Variants in BRINP1 observed in about 807,000 individuals in gnomAD.
BRINP1 encodes BMP/retinoic acid-inducible neural-specific protein 1.
Under a neutral mutation model 72.9 loss-of-function variants are expected in BRINP1, and 17 were observed. That is an observed-to-expected ratio of 0.23 (90% confidence interval 0.16 to 0.35). The LOEUF (loss-of-function observed/expected upper bound fraction) is 0.35. BRINP1 is among the 10% of genes least tolerant of loss of function. The probability of loss-of-function intolerance (pLI) is 1.00; values close to 1 mark genes in which losing one functional copy is unlikely to be tolerated. For synonymous variants in BRINP1, 418 were observed against 378.5 expected (o/e 1.10, Z -1.21); for missense variants, 850 against 1,001.6 (o/e 0.85, Z 2.04).
At chr9:119,287,014 C>A in intron 2 of BRINP1, among the ~76,000 whole-genome samples, 1 of 150,842 alleles carries the variant, frequency 6.6e-6, no homozygotes, top group African/African-American at 2.4e-5. Context: ...TAGTTAATTT[C>A]ACCTTGAGGA....
intron 5 of BRINP1, among the ~76,000 whole-genome samples, chr9:119,237,817 G>A (rs997738147): frequency 2.2e-4 from 34 of 151,462 alleles, no homozygotes; most frequent in African/African-American, 8.0e-4. Flanking sequence ...GCACACCACC[G>A]CGCCCAGCTA....
chr9:119,333,527 T>A (rs1004843950), intron 1 of BRINP1, among the ~76,000 whole-genome samples: 2 of 151,818 alleles, frequency 1.3e-5, no homozygotes, highest in Non-Finnish European at 2.9e-5. Flanking sequence ...AAAAATAAAT[T>A]TTCCCCTCCA....
At chr9:119,173,457 A>T (rs901097790) in intron 7 of BRINP1, among the ~76,000 whole-genome samples, 2 of 151,982 alleles carry the variant, frequency 1.3e-5, no homozygotes, top group South Asian at 2.1e-4. Flanking sequence ...GGAGAACCAC[A>T]AACCACTGCT....
intron 1 of BRINP1, among the ~76,000 whole-genome samples, chr9:119,357,277 G>A (rs1367987386): frequency 3.9e-5 from 6 of 152,208 alleles, no homozygotes; most frequent in Admixed American, 3.9e-4. Context: ...GTGTATAAGT[G>A]AAGCAGAGAG....
chr9:119,226,117 A>G (rs929251567), intron 5 of BRINP1, among the ~76,000 whole-genome samples: 2 of 152,056 alleles, frequency 1.3e-5, no homozygotes, highest in African/African-American at 4.8e-5. Context: ...TATCTGGAAT[A>G]TAATAGAGGC....
chr9:119,202,007 T>C (rs1391231015), intron 7 of BRINP1, among the ~76,000 whole-genome samples: 4 of 152,110 alleles, frequency 2.6e-5, no homozygotes, highest in Non-Finnish European at 4.4e-5. Context: ...TCCACCACTA[T>C]GCAATGCAGT....
intron 1 of BRINP1, among the ~76,000 whole-genome samples, chr9:119,365,316 A>C (rs1831680234): frequency 6.6e-6 from 1 of 152,202 alleles, no homozygotes. Context: ...TCTTTGCAGA[A>C]GGGAGCACAA....
At chr9:119,342,790 A>G (rs904771858) in intron 1 of BRINP1, among the ~76,000 whole-genome samples, 1 of 152,212 alleles carries the variant, frequency 6.6e-6, no homozygotes, top group Non-Finnish European at 1.5e-5. Flanking sequence ...AACTGCCCCA[A>G]ACTGTCCTTA....
At chr9:119,260,721 A>C (rs2118934048) in intron 2 of BRINP1, among the ~76,000 whole-genome samples, 1 of 152,352 alleles carries the variant, frequency 6.6e-6, no homozygotes, top group Non-Finnish European at 1.5e-5. Flanking sequence ...AAAACTGCCC[A>C]GGTCACATCT....
At chr9:119,360,527 G>GAC (rs74615971) in intron 1 of BRINP1, among the ~76,000 whole-genome samples, 42,827 of 152,016 alleles carry the variant, frequency 0.28, 7,820 homozygotes, top group East Asian at 0.85. Flanking sequence ...AGCTCCTGGG[G>GAC]ACTCTAGGAA....
intron 1 of BRINP1, 32 bp from the exon 2 acceptor site, chr9:119,313,437 A>C: frequency 6.7e-7 from 1 of 1,500,106 alleles, no homozygotes; most frequent in South Asian, 1.3e-5. Context: ...AGAGAGAGAA[A>C]AAAAGAGAAA....
chr9:119,179,384 T>C (rs955284187), intron 7 of BRINP1, among the ~76,000 whole-genome samples: 3 of 152,136 alleles, frequency 2.0e-5, no homozygotes, highest in African/African-American at 7.2e-5. Flanking sequence ...AAGAAGGAAG[T>C]TGCATTTTCA....
At chr9:119,332,224 C>T (rs1371857184) in intron 1 of BRINP1, among the ~76,000 whole-genome samples, 1 of 152,158 alleles carries the variant, frequency 6.6e-6, no homozygotes, top group East Asian at 1.9e-4. Context: ...GATTCAGGAA[C>T]TCTGTATATA....
intron 7 of BRINP1, among the ~76,000 whole-genome samples, chr9:119,205,399 C>T (rs984727627): frequency 6.6e-6 from 1 of 152,086 alleles, no homozygotes; most frequent in African/African-American, 2.4e-5. Context: ...GTAGGAGAGA[C>T]GGCAACACTG....
At position 119,167,858 on chromosome 9, in the gene BRINP1, G is replaced by T. The variant is rs1352854918; in HGVS notation, c.1512C>A (p.Thr504=). 6.2e-7 allele frequency: 1 copy of T among 1,614,100 alleles called. No individual in the cohort carries two copies. Among genetic ancestry groups the T allele is most frequent in the African/African-American group, 1.3e-5 (1 of 74,944 alleles). Residue 504 remains threonine, a synonymous_variant, in exon 8 of 8, where the codon ACC becomes ACA. Coordinates refer to ENST00000265922, the MANE Select transcript of BRINP1 (RefSeq NM_014618.3). The surrounding 1 kb of genome is among the most constrained non-coding windows in gnomAD (Gnocchi z 4.3). ...KMDSRLYVHT[T]FISNEIRLDT... ...CGAGGCGGATCTCGTTGCTGATGAA[G>T]GTGGTGTGGACGTAGAGGCGTGAGT... is the stretch of plus-strand genomic sequence containing the variant.
At chr9:119,200,794 A>T (rs528429683) in intron 7 of BRINP1, among the ~76,000 whole-genome samples, 1 of 152,134 alleles carries the variant, frequency 6.6e-6, no homozygotes, top group African/African-American at 2.4e-5. Flanking sequence ...TGAGGAAGGA[A>T]TCTTTGAGCC....
chr9:119,251,156 C>T (rs927559885), intron 2 of BRINP1, among the ~76,000 whole-genome samples: 5 of 152,148 alleles, frequency 3.3e-5, no homozygotes, highest in African/African-American at 1.2e-4. Flanking sequence ...CCACTGAGTA[C>T]CTTGCATGTT....
intron 1 of BRINP1, among the ~76,000 whole-genome samples, chr9:119,351,159 C>A (rs559554936): frequency 1.3e-5 from 2 of 152,274 alleles, no homozygotes; most frequent in Non-Finnish European, 2.9e-5. Context: ...TATATCCACA[C>A]AAGTTTATCC....
At chr9:119,283,536 C>G (rs1830732804) in intron 2 of BRINP1, among the ~76,000 whole-genome samples, 1 of 152,176 alleles carries the variant, frequency 6.6e-6, no homozygotes, top group Non-Finnish European at 1.5e-5. Flanking sequence ...CTTTCCTACT[C>G]TCAGATCTTT....
Sources: gnomAD v4.1 joint callset for allele counts (sites outside exome capture counted in the v4.1 genomes callset) on GRCh38, gnomAD v4.1.1 for gene constraint, Gnocchi (gnomAD v3.1) non-coding constraint, MANE v1.5 for transcripts, NCBI Gene and HGNC (gene_info 2026-07-23, HGNC 2026-07-21) for gene names.